KAT6A: variants seen among roughly 807,000 people sequenced by gnomAD.
KAT6A encodes lysine acetyltransferase 6A.
A neutral mutation model predicts 198.4 loss-of-function variants in KAT6A; 9 were observed. That is an observed-to-expected ratio of 0.05 (90% CI 0.03 to 0.08). The LOEUF (loss-of-function observed/expected upper bound fraction) is 0.08. Ranked by LOEUF, KAT6A falls within the 10% of genes least tolerant of loss-of-function variation. The probability of loss-of-function intolerance (pLI) is 1.00; values close to 1 mark genes in which losing one functional copy is unlikely to be tolerated. For synonymous variants in KAT6A, 890 were observed against 883.0 expected, an observed-to-expected ratio of 1.01 and a Z score of -0.14; for missense variants, 2,077 against 2,509.9, an observed-to-expected ratio of 0.83 and a Z score of 3.69.
At chr8:42,027,016 G>A (rs934104226) in intron 2 of KAT6A, among the ~76,000 whole-genome samples, 1 of 152,122 alleles carries the variant, frequency 6.6e-6, no homozygotes, top group African/African-American at 2.4e-5. Context: ...TGCATCTATT[G>A]AAATTATCAA....
chr8:42,044,365 T>C (rs903626501), intron 2 of KAT6A, among the ~76,000 whole-genome samples: 6 of 151,968 alleles, frequency 3.9e-5, no homozygotes, highest in Non-Finnish European at 1.5e-5. Flanking sequence ...CATCCCAAAG[T>C]GCTGGGATTA....
In KAT6A at chr8:42,044,348, C is replaced by G. The variant is rs200339202; in HGVS notation, c.600+4030G>C. ...TCCTGACCTCAGGTGATCCACCCCC[C>G]CCTCGGCATCCCAAAGTGCTGGGAT... On this transcript the variant is annotated intron_variant, in intron 2 of 16. Coordinates refer to ENST00000265713, the MANE Select transcript of KAT6A (RefSeq NM_006766.5). Among the ~76,000 whole-genome samples the G allele has an allele frequency of 3.7e-3, 560 of 152,044 alleles. 8 individuals are homozygous for G. Among genetic ancestry groups the G allele is most frequent in the Admixed American group, 5.1e-3 (78 of 15,262 alleles).
intron 5 of KAT6A, among the ~76,000 whole-genome samples, 190 bp downstream of exon 5, chr8:41,980,656 A>G (rs1420478877): frequency 6.6e-6 from 1 of 152,250 alleles, no homozygotes; most frequent in Non-Finnish European, 1.5e-5. Context: ...AATCCGTATC[A>G]TGTAAGAATG....
At chr8:41,997,898 A>G (rs1345909634) in intron 2 of KAT6A, among the ~76,000 whole-genome samples, 2 of 152,198 alleles carry the variant, frequency 1.3e-5, no homozygotes, top group African/African-American at 4.8e-5. Flanking sequence ...GCACTCTACT[A>G]TACAAATACC....
intron 2 of KAT6A, among the ~76,000 whole-genome samples, chr8:42,030,738 G>T (rs146816339): frequency 0.011 from 1,729 of 151,618 alleles, 15 homozygotes; most frequent in South Asian, 0.02. Flanking sequence ...CAAATTTTTT[G>T]TTGTTGTTGT....
At chr8:41,947,728 A>G (rs1358794808) in intron 11 of KAT6A, 23 bp downstream of exon 11, 1 of 1,573,828 alleles carries the variant, frequency 6.4e-7, no homozygotes, top group Non-Finnish European at 8.6e-7. Context: ...GAGTTCAAAC[A>G]AACTTTAAGC....
At chr8:42,043,847 A>C (rs1220381691) in intron 2 of KAT6A, among the ~76,000 whole-genome samples, 2 of 152,194 alleles carry the variant, frequency 1.3e-5, no homozygotes, top group Non-Finnish European at 2.9e-5. Flanking sequence ...AGTTACTGAA[A>C]TCTCTTTTAT....
Position 41,977,182 on chromosome 8 carries a change from T to C in KAT6A, c.1189A>G (p.Asn397Asp). 5 of 1,614,164 alleles carry C rather than the reference T, an allele frequency of 3.1e-6. No individual in the cohort carries two copies. The highest frequency in any genetic ancestry group is 1.1e-5 in the South Asian group (1 of 91,086). The change falls in exon 7 of 17, where the codon AAT becomes GAT. Residue 397 changes from asparagine to aspartate, a missense_variant. Around this residue, in one of 13 missense-constraint regions of KAT6A, gnomAD observed 206 missense variants for 214.9 expected, o/e 0.96. Transcript: ENST00000265713. The stretch of plus-strand genomic sequence containing the variant: ...TTCTTGTTGAACTTCAAGGAGACAT[T>C]GCTATCTCTGCAGAAGTCCAAGCCA... ...IDGLDFCRDS[N>D]VSLKFNKKTK... is the part of the protein sequence containing the mutation.
At chr8:41,967,420 A>C (rs748609674) in intron 8 of KAT6A, among the ~76,000 whole-genome samples, 1 of 150,026 alleles carries the variant, frequency 6.7e-6, no homozygotes, top group Admixed American at 6.6e-5. Flanking sequence ...AGCATTAGGT[A>C]TATCTCCCAA....
In KAT6A at chr8:41,947,786, C is replaced by T. The variant is rs778065615; in HGVS notation, c.1867G>A (p.Val623Ile). ...TAGCCAACAAGGTGGCAGCCCTTGA[C>T]ATCATTCTGTGTTAGTACATAAAAA... ...FLFYVLTQND[V>I]KGCHLVGYFS... Residue 623 changes from valine (V) to isoleucine (I), a missense_variant, in exon 11 of 17, where the codon GTC becomes ATC. By Grantham distance (29) the Val-to-Ile change is conservative. Transcript: ENST00000265713. The T allele has an allele frequency of 6.2e-7, 1 of 1,601,784 alleles. No individual in the cohort carries two copies. The highest frequency in any genetic ancestry group is 8.5e-7 in the Non-Finnish European group (1 of 1,177,022).
At chr8:42,022,239 C>T (rs1325425018) in intron 2 of KAT6A, among the ~76,000 whole-genome samples, 1 of 151,998 alleles carries the variant, frequency 6.6e-6, no homozygotes, top group African/African-American at 2.4e-5. Flanking sequence ...AGTATCAAAC[C>T]TGATACTGTA....
intron 3 of KAT6A, among the ~76,000 whole-genome samples, chr8:41,983,935 C>A (rs762639675): frequency 2.2e-4 from 33 of 152,232 alleles, no homozygotes; most frequent in Non-Finnish European, 4.6e-4. Flanking sequence ...TGCCAGTTCA[C>A]AGGCTCTGCT....
intron 1 of KAT6A, among the ~76,000 whole-genome samples, chr8:42,050,169 T>C (rs1221211411): frequency 2.0e-5 from 3 of 152,210 alleles, no homozygotes; most frequent in Non-Finnish European, 4.4e-5. Flanking sequence ...ACTGGCTACT[T>C]GTAGGACTAA....
intron 3 of KAT6A, among the ~76,000 whole-genome samples, chr8:41,985,719 A>G (rs1472592511): frequency 6.6e-6 from 1 of 152,162 alleles, no homozygotes. Context: ...CAGTCCTTAA[A>G]GCCCAACCTC....
rs1216141897 is a variant in KAT6A, at chr8:41,947,737, G to T, written c.1902+14C>A. The stretch of plus-strand genomic sequence containing the variant: ...CTATATGAGTTCAAACAAACTTTAA[G>T]CTGACATACTTACCTTAGAAAAGTA... On this transcript the variant is annotated intron_variant, in intron 11 of 16. Coordinates refer to ENST00000265713, the MANE Select transcript of KAT6A (RefSeq NM_006766.5). The T allele has an allele frequency of 3.2e-6, 5 of 1,578,582 alleles. No individual in the cohort carries two copies. Among genetic ancestry groups the T allele is most frequent in the Non-Finnish European group, 4.3e-6 (5 of 1,168,906 alleles).
At chr8:42,046,539 A>T (rs931575927) in intron 2 of KAT6A, among the ~76,000 whole-genome samples, 1 of 152,216 alleles carries the variant, frequency 6.6e-6, no homozygotes, top group African/African-American at 2.4e-5. Flanking sequence ...TCAAAAATAA[A>T]TAAATAAAAG....
chr8:41,974,336 A>C (rs1320873915), intron 8 of KAT6A: 2 of 154,246 alleles, frequency 1.3e-5, no homozygotes, highest in Non-Finnish European at 2.9e-5. Flanking sequence ...ACCTTGGCAA[A>C]GTGCTAGGAT....
chr8:41,996,193 C>T (rs1044147143), intron 2 of KAT6A, among the ~76,000 whole-genome samples: 1 of 152,174 alleles, frequency 6.6e-6, no homozygotes, highest in Admixed American at 6.5e-5. Context: ...TTTGTCACCA[C>T]TGAAATTTTC....
chr8:41,996,063 C>T (rs1223388116), intron 2 of KAT6A, among the ~76,000 whole-genome samples: 2 of 152,168 alleles, frequency 1.3e-5, no homozygotes, highest in Non-Finnish European at 2.9e-5. Flanking sequence ...TTCTGAGGCA[C>T]TCAAATCTAA....
Sources: gnomAD v4.1 joint callset for allele counts (sites outside exome capture counted in the v4.1 genomes callset) on GRCh38, gnomAD v4.1.1 for gene constraint, gnomAD v4.1.1 regional missense constraint, MANE v1.5 for transcripts, NCBI Gene and HGNC (gene_info 2026-07-23, HGNC 2026-07-21) for gene names.